Variants in TPRA1 observed in about 807,000 individuals in gnomAD.
TPRA1 encodes transmembrane protein adipocyte-associated 1.
A neutral mutation model predicts 40.1 loss-of-function variants in TPRA1; 28 were observed. The ratio of observed to expected loss-of-function variants is 0.70; its 90% CI spans 0.52 to 0.96. The LOEUF (loss-of-function observed/expected upper bound fraction) is 0.96. Ranked by LOEUF, TPRA1 falls within the 40% of genes least tolerant of loss-of-function variation. The pLI is 0.00. For missense variants in TPRA1, 441 were observed against 482.6 expected, an observed-to-expected ratio of 0.91 and a Z score of 0.81; for synonymous variants, 219 against 209.7, an observed-to-expected ratio of 1.04 and a Z score of -0.38.
intron 10 of TPRA1, chr3:127,574,839 C>T (rs887804025): frequency 2.7e-6 from 1 of 366,692 alleles, no homozygotes; most frequent in South Asian, 2.6e-5. Flanking sequence ...ATGTTGAGCA[C>T]GTGTTCATGT....
Position 127,573,707 on chromosome 3 carries a change from G to T in TPRA1, c.936C>A (p.Tyr312Ter). 1 of 1,613,194 alleles carries T rather than the reference G, an allele frequency of 6.2e-7. No individual in the cohort carries two copies. Among genetic ancestry groups the T allele is most frequent in the East Asian group, 2.2e-5 (1 of 44,876 alleles). Residue 312 changes from tyrosine to a stop codon, truncating the protein, a stop_gained, in exon 11 of 11, where the codon TAC becomes TAA. Transcript: ENST00000355552. LOFTEE classifies it high-confidence loss of function. ...EEPDVHLPQP[Y>*]AVARREGLEA... The stretch of plus-strand genomic sequence containing the variant: ...CCAGGCCCTCCCGCCGGGCCACAGC[G>T]TAGGGCTGGGGTAGGTGTACATCTG...
At chr3:127,575,607 C>A in intron 8 of TPRA1, 102 bp from the exon 9 acceptor site, 1 of 1,461,838 alleles carries the variant, frequency 6.8e-7, no homozygotes, top group Non-Finnish European at 9.3e-7. Context: ...CCCGGGGCCC[C>A]TCTAGGCCTC....
chr3:127,575,466 AGT>A lies in TPRA1; in HGVS notation c.708_709del (p.Leu237AlafsTer112). 1 of 1,601,450 alleles carries A rather than the reference AGT, an allele frequency of 6.2e-7. No homozygotes were observed. The highest frequency in any genetic ancestry group is 8.5e-7 in the Non-Finnish European group (1 of 1,174,450). On this transcript the variant is annotated frameshift_variant, in exon 9 of 11. Transcript: ENST00000355552. LOFTEE classifies it high-confidence loss of function. ...CCCCAGCCCCTGCAGTAGGTTGAGC[AGT>A]GCCAGGATGCCCGCATACACGTAGA...
chr3:127,573,375 G>A lies in TPRA1; in HGVS notation c.*146C>T, dbSNP rs1480656286. ...AAAGGGGATTGGGAGCCCCAGGGAG[G>A]TGGGGCCTCCAGACTCATGGTGGGA... On this transcript the variant is annotated 3_prime_UTR_variant, in exon 11 of 11. Transcript: ENST00000355552. The A allele has an allele frequency of 1.9e-6, 2 of 1,078,098 alleles. No homozygotes were observed. Among genetic ancestry groups the A allele is most frequent in the Non-Finnish European group, 2.6e-6 (2 of 777,138 alleles). 66.8% of individuals were successfully genotyped at this position (1,078,098 alleles called of 1,614,324 possible).
intron 1 of TPRA1, among the ~76,000 whole-genome samples, chr3:127,582,519 G>A (rs574199372): frequency 8.3e-4 from 127 of 152,168 alleles, no homozygotes; most frequent in African/African-American, 2.6e-3. Flanking sequence ...TGGCCAACAT[G>A]CCAAAACCCC....
At chr3:127,575,068 G>A (rs2073542542) in intron 10 of TPRA1, 117 bp downstream of exon 10, 1 of 1,099,212 alleles carries the variant, frequency 9.1e-7, no homozygotes, top group Non-Finnish European at 1.3e-6. Flanking sequence ...ATGTATGTGC[G>A]TGCGCATGCG....
upstream of TPRA1, chr3:127,594,802 G>C (rs1046843633): frequency 2.6e-5 from 4 of 152,318 alleles, no homozygotes; most frequent in African/African-American, 9.6e-5. Context: ...TGTAGTACCT[G>C]GATGTGCAGC....
intron 10 of TPRA1, chr3:127,574,944 G>A (rs1202533209): frequency 7.0e-6 from 4 of 570,294 alleles, no homozygotes; most frequent in African/African-American, 1.9e-5. Flanking sequence ...GTGCATGTGT[G>A]CATGCTTGTG....
rs75067887 is a variant in TPRA1, at chr3:127,577,014, C to A, written c.321G>T (p.Ser107=). The change falls in exon 4 of 11, where the codon TCG becomes TCT. Residue 107 remains serine, a synonymous_variant. Transcript: ENST00000355552. ...RAVVSMTVST[S]NAATVADKIL... ...CCTTATCAGCAACAGTTGCAGCGTT[C>A]GAGGTGCTCACCGTCATGGATACCA... 6.2e-7 allele frequency: 1 copy of A among 1,613,752 alleles called. No individual in the cohort carries two copies. The highest frequency in any genetic ancestry group is 8.5e-7 in the Non-Finnish European group (1 of 1,180,022).
At chr3:127,581,212 C>A (rs1228440966) in intron 1 of TPRA1, among the ~76,000 whole-genome samples, 2 of 152,196 alleles carry the variant, frequency 1.3e-5, no homozygotes, top group African/African-American at 2.4e-5. Context: ...ACAGATTGGG[C>A]CAGATGCCTG....
chr3:127,598,109 GTTGTC>G lies in TPRA1; in HGVS notation c.-498_-494del, dbSNP rs1470068856. The G allele has an allele frequency of 2.3e-5, 9 of 386,862 alleles. No homozygotes were observed. In the East Asian group the frequency reaches 5.6e-4, roughly 24 times the overall value. The allele number at this position is 386,862 out of a possible 1,614,324, so 24.0% of individuals were successfully genotyped here. ...GCGTGAGCCACCGCGCCCGGCCTCT[GTTGTC>G]TTGTCAGCAAAATGGCCCTGGTGTG... On this transcript the variant is annotated 5_prime_UTR_variant, in exon 1 of 4. Coordinates refer to the TPRA1 transcript ENST00000462228.
intron 1 of TPRA1, among the ~76,000 whole-genome samples, chr3:127,586,451 TG>T (rs2074002132): frequency 2.0e-5 from 3 of 152,224 alleles, no homozygotes; most frequent in Admixed American, 2.0e-4. Flanking sequence ...TTCAGCCTTC[TG>T]GGTTCAAGGA....
In TPRA1 at chr3:127,571,959, T is replaced by A. The variant is rs2073388796; in HGVS notation, c.*1562A>T. On this transcript the variant is annotated 3_prime_UTR_variant, in exon 11 of 11. Coordinates refer to ENST00000355552, the MANE Select transcript of TPRA1 (RefSeq NM_001136053.4). ...CATGTGGATCTGATGGTCAAATCCC[T>A]GCTGGCCCCAACCCTTACCCCGCTC... 1 of 152,208 alleles carries A rather than the reference T, an allele frequency of 6.6e-6. No individual in the cohort carries two copies. The highest frequency in any genetic ancestry group is 1.5e-5 in the Non-Finnish European group (1 of 68,048). 9.4% of individuals were successfully genotyped at this position (152,208 alleles called of 1,614,324 possible). A position where few individuals can be genotyped will look rare whatever the true frequency, so the allele number is the denominator to read the frequency against.
chr3:127,578,235 C>T (rs1386464881), intron 3 of TPRA1, among the ~76,000 whole-genome samples: 3 of 152,228 alleles, frequency 2.0e-5, no homozygotes, highest in African/African-American at 7.2e-5. Flanking sequence ...AACTACCACA[C>T]GCCTACTGTA....
At chr3:127,591,801 A>C (rs919207427), upstream of TPRA1, 5 of 152,208 alleles carry the variant, frequency 3.3e-5, no homozygotes, top group African/African-American at 1.2e-4. Context: ...GCCAAGCTGC[A>C]GGATGTCCCC....
exon 1 of TPRA1, chr3:127,598,106 T>A: frequency 2.7e-6 from 1 of 373,998 alleles, no homozygotes; most frequent in South Asian, 2.2e-5. Flanking sequence ...GCGCCCGGCC[T>A]CTGTTGTCTT....
In TPRA1 at chr3:127,573,195, C is replaced by T. The variant is rs993111156; in HGVS notation, c.*326G>A. 3.8e-6 allele frequency: 1 copy of T among 265,950 alleles called. No individual in the cohort carries two copies. Among genetic ancestry groups the T allele is most frequent in the Non-Finnish European group, 7.2e-6 (1 of 139,390 alleles). The allele number at this position is 265,950 out of a possible 1,614,324, so 16.5% of individuals were successfully genotyped here. On this transcript the variant is annotated 3_prime_UTR_variant, in exon 11 of 11. Transcript: ENST00000355552. ...GGATGGGATGGAGGCATTGGGAGAGCCAGCCCTGCCCTCGTGCCAAGGGTG... is the reference window on the plus strand; with the variant it reads ...GGATGGGATGGAGGCATTGGGAGAGTCAGCCCTGCCCTCGTGCCAAGGGTG...
intron 1 of TPRA1, among the ~76,000 whole-genome samples, chr3:127,583,068 C>T (rs1388103015): frequency 6.6e-6 from 1 of 151,930 alleles, no homozygotes; most frequent in East Asian, 1.9e-4. Flanking sequence ...ATCCCTTGAA[C>T]CCGGGAGGCA....
intron 8 of TPRA1, 51 bp from the exon 9 acceptor site, chr3:127,575,556 C>A (rs1193950284): frequency 1.3e-5 from 19 of 1,490,096 alleles, no homozygotes; most frequent in Non-Finnish European, 1.7e-5. Flanking sequence ...ACAGGCCAGG[C>A]TCTGCCTCCA....
Sources: allele counts gnomAD v4.1 joint callset (sites outside exome capture counted in the v4.1 genomes callset), GRCh38; gene constraint gnomAD v4.1.1; transcripts MANE v1.5; gene names NCBI Gene and HGNC (gene_info 2026-07-23, HGNC 2026-07-21).